Variants in CCSER1 observed in about 807,000 individuals in gnomAD.
CCSER1 encodes coiled-coil serine rich protein 1, also known as serine-rich coiled-coil domain-containing protein 1.
A neutral mutation model predicts 82.0 loss-of-function variants in CCSER1; 41 were observed. The ratio of observed to expected loss-of-function variants is 0.50; its 90% confidence interval spans 0.39 to 0.65. CCSER1 has a LOEUF of 0.65. Ranked by LOEUF, CCSER1 falls within the 30% of genes least tolerant of loss-of-function variation. The pLI is 0.00. For synonymous variants in CCSER1, 414 were observed against 383.9 expected, an observed-to-expected ratio of 1.08 and a Z score of -0.92; for missense variants, 1,119 against 1,064.2, an observed-to-expected ratio of 1.05 and a Z score of -0.72.
intron 3 of CCSER1, among the ~76,000 whole-genome samples, chr4:90,314,194 A>G (rs1735765845): frequency 6.6e-6 from 1 of 152,212 alleles, no homozygotes; most frequent in South Asian, 2.1e-4. Context: ...TGTTTCCATT[A>G]TACTAAAGAA....
At chr4:90,400,376 CT>C (rs1053016892) in intron 4 of CCSER1, among the ~76,000 whole-genome samples, 22 of 152,108 alleles carry the variant, frequency 1.4e-4, no homozygotes, top group Non-Finnish European at 1.9e-4. Flanking sequence ...ATAAAAAAAT[CT>C]TTCCAAAATA....
At chr4:91,144,296 G>T (rs1445788409) in intron 10 of CCSER1, among the ~76,000 whole-genome samples, 2 of 151,568 alleles carry the variant, frequency 1.3e-5, no homozygotes, top group Non-Finnish European at 2.9e-5. Flanking sequence ...ATTTCTATGG[G>T]ATTGATTATA....
At chr4:90,405,425 T>G (rs2153548887) in intron 4 of CCSER1, among the ~76,000 whole-genome samples, 1 of 152,298 alleles carries the variant, frequency 6.6e-6, no homozygotes, top group East Asian at 1.9e-4. Context: ...TCTAAAAGTT[T>G]GGAAAACGTA....
intron 10 of CCSER1, among the ~76,000 whole-genome samples, chr4:91,428,463 G>A (rs1754115726): frequency 1.3e-5 from 2 of 152,022 alleles, no homozygotes; most frequent in African/African-American, 4.8e-5. Flanking sequence ...CCTAAAATTG[G>A]CATCAATTAC....
intron 10 of CCSER1, among the ~76,000 whole-genome samples, chr4:91,172,786 G>T (rs1452137085): frequency 6.6e-6 from 1 of 151,820 alleles, no homozygotes; most frequent in Non-Finnish European, 1.5e-5. Flanking sequence ...TCTTTGATTG[G>T]TTTGGGCTTA....
chr4:90,745,857 AT>A (rs1413910427), intron 7 of CCSER1, among the ~76,000 whole-genome samples: 6 of 140,778 alleles, frequency 4.3e-5, no homozygotes, highest in Admixed American at 2.1e-4. Flanking sequence ...ACCCAGCTAA[AT>A]TTTTTTTAAT....
chr4:91,069,977 C>A (rs922254495), intron 9 of CCSER1, among the ~76,000 whole-genome samples: 9 of 142,054 alleles, frequency 6.3e-5, no homozygotes, highest in African/African-American at 1.9e-4. Context: ...CTTAAGTAAA[C>A]CTTTTTTAAT....
intron 9 of CCSER1, among the ~76,000 whole-genome samples, chr4:90,933,948 C>T (rs927280891): frequency 3.4e-4 from 52 of 151,842 alleles, no homozygotes; most frequent in African/African-American, 1.1e-3. Context: ...TAAATAATAA[C>T]AATGGCACAT....
intron 6 of CCSER1, among the ~76,000 whole-genome samples, chr4:90,710,230 TC>T (rs1162593856): frequency 2.0e-5 from 3 of 152,164 alleles, no homozygotes; most frequent in African/African-American, 7.2e-5. Context: ...AAAAAGTTTC[TC>T]CCATTCTCTA....
At chr4:90,359,113 A>G (rs948649315) in intron 3 of CCSER1, among the ~76,000 whole-genome samples, 1 of 152,182 alleles carries the variant, frequency 6.6e-6, no homozygotes, top group Non-Finnish European at 1.5e-5. Context: ...AATGTTGCTG[A>G]AAGAGATTAA....
In CCSER1 at chr4:90,468,127, T is replaced by C. The variant is rs1320076442; in HGVS notation, c.1604-107T>C. The C allele has an allele frequency of 3.8e-5, 35 of 926,002 alleles. 1 individual carries two copies. In the South Asian group the frequency reaches 6.2e-4, roughly 16 times the overall value. The allele number at this position is 926,002 out of a possible 1,614,324, so 57.4% of individuals were successfully genotyped here. ...GATAATTTAATAATTAATGTTTTAT[T>C]AGAATTAGATCTTTTATTAGACTAA... is the stretch of plus-strand genomic sequence containing the variant. On this transcript the variant is annotated intron_variant, in intron 4 of 10. Transcript: ENST00000509176.
intron 10 of CCSER1, among the ~76,000 whole-genome samples, chr4:91,314,543 T>A (rs1745697967): frequency 6.6e-6 from 1 of 151,992 alleles, no homozygotes; most frequent in African/African-American, 2.4e-5. Flanking sequence ...AGGAAGACTC[T>A]CTCTGATGTA....
chr4:90,431,895 C>A (rs1758319704), intron 4 of CCSER1, among the ~76,000 whole-genome samples: 1 of 152,058 alleles, frequency 6.6e-6, no homozygotes. Context: ...CAGCTGAATA[C>A]AGTTGTTCTC....
chr4:91,468,966 A>T (rs1186401061), intron 10 of CCSER1, among the ~76,000 whole-genome samples: 1 of 152,178 alleles, frequency 6.6e-6, no homozygotes, highest in African/African-American at 2.4e-5. Context: ...TAATTATCCA[A>T]TTTCAGAAGC....
intron 9 of CCSER1, among the ~76,000 whole-genome samples, chr4:90,932,506 T>C (rs138812063): frequency 6.6e-6 from 1 of 152,092 alleles, no homozygotes; most frequent in East Asian, 1.9e-4. Context: ...GAATGAAAAG[T>C]ATTATGTTTT....
At chr4:90,524,239 C>A (rs1018993080) in intron 5 of CCSER1, among the ~76,000 whole-genome samples, 1 of 152,086 alleles carries the variant, frequency 6.6e-6, no homozygotes, top group African/African-American at 2.4e-5. Context: ...GCTTAGTTGT[C>A]GGGAACAACA....
At chr4:90,840,293 C>T (rs12331072) in intron 8 of CCSER1, among the ~76,000 whole-genome samples, 5,371 of 152,058 alleles carry the variant, frequency 0.035, 111 homozygotes, top group African/African-American at 0.045. Flanking sequence ...ATTAGAAAGG[C>T]GACAAAATAA....
At chr4:90,218,860 A>ATAAG (rs1741602584) in intron 1 of CCSER1, among the ~76,000 whole-genome samples, 1 of 151,876 alleles carries the variant, frequency 6.6e-6, no homozygotes, top group Admixed American at 6.6e-5. Context: ...TCTTTACAAA[A>ATAAG]TAAATAAATA....
At chr4:90,304,713 G>T (rs1733902291) in intron 1 of CCSER1, among the ~76,000 whole-genome samples, 1 of 151,958 alleles carries the variant, frequency 6.6e-6, no homozygotes, top group South Asian at 2.1e-4. Context: ...ACAAGTTAAT[G>T]GGTGCAGCAC....
Sources: allele counts gnomAD v4.1 joint callset (sites outside exome capture counted in the v4.1 genomes callset), GRCh38; gene constraint gnomAD v4.1.1; transcripts MANE v1.5; gene names NCBI Gene and HGNC (gene_info 2026-07-23, HGNC 2026-07-21).